The following KCNJ13 variants were observed in gnomAD, a reference collection of about 807,000 sequenced individuals.
KCNJ13 encodes potassium inwardly rectifying channel subfamily J member 13.
In KCNJ13, 9 loss-of-function variants were observed where a neutral mutation model predicts 24.6. The observed-to-expected ratio is 0.37, with a 90% CI of 0.22 to 0.64. The LOEUF is 0.64. Ranked by LOEUF, KCNJ13 falls within the 30% of genes least tolerant of loss-of-function variation. The pLI is 0.64. For missense variants in KCNJ13, 337 were observed against 443.8 expected (o/e 0.76, Z 2.16); for synonymous variants, 148 against 154.7 (o/e 0.96, Z 0.32).
chr2:232,773,022 G>A (rs1335914313), intron 1 of KCNJ13, among the ~76,000 whole-genome samples: 1 of 152,002 alleles, frequency 6.6e-6, no homozygotes, highest in African/African-American at 2.4e-5. Context: ...CTTCAGATTT[G>A]AGCTAATGGA....
In KCNJ13 at chr2:232,768,564, A is replaced by G; in HGVS notation, c.710T>C (p.Phe237Ser). The G allele has an allele frequency of 6.2e-7, 1 of 1,614,196 alleles. No homozygotes were observed. Among genetic ancestry groups the G allele is most frequent in the Non-Finnish European group, 8.5e-7 (1 of 1,180,030 alleles). Residue 237 changes from phenylalanine to serine, a missense_variant, in exon 3 of 3, where the codon TTC (phenylalanine) becomes TCC (serine). Coordinates refer to ENST00000233826, the MANE Select transcript of KCNJ13 (RefSeq NM_002242.4). The part of the protein sequence containing the change: ...DGISSDECPF[F>S]IFPLTYYHSI... ...GTGATAGTACGTTAGTGGAAAGATG[A>G]AGAATGGACATTCGTCAGAACTGAT... is the stretch of plus-strand genomic sequence containing the variant.
intron 1 of KCNJ13, among the ~76,000 whole-genome samples, chr2:232,773,974 C>G (rs1574866071): frequency 6.7e-6 from 1 of 150,358 alleles, no homozygotes; most frequent in Non-Finnish European, 1.5e-5. Flanking sequence ...ACTATTAGTC[C>G]CATTTTACAG....
Position 232,768,571 on chromosome 2 carries a change from G to C in KCNJ13, c.703C>G (p.Pro235Ala). ...HLDGISSDEC[P>A]FFIFPLTYYH... ...TACGTTAGTGGAAAGATGAAGAATG[G>C]ACATTCGTCAGAACTGATGCCATCA... Residue 235 changes from proline to alanine, a missense_variant, in exon 3 of 3, where the codon CCA (proline) becomes GCA (alanine). By Grantham distance (27) the Pro-to-Ala change is conservative. Transcript: ENST00000233826. 5 of 1,614,136 alleles carry C rather than the reference G, an allele frequency of 3.1e-6. No individual in the cohort carries two copies. In the South Asian group the frequency reaches 5.5e-5, roughly 18 times the overall value.
rs1698991727 is a variant in KCNJ13 at position 232,766,969 on chromosome 2, T to G, written c.*1222A>C. On this transcript the variant is annotated 3_prime_UTR_variant, in exon 3 of 3. Transcript: ENST00000233826. ...GTTTTTGTTTTGTTTTAAGGACAGTTTCTCTTTTTTTTATTGAAATGAAAA... is the reference window on the plus strand; with the variant it reads ...GTTTTTGTTTTGTTTTAAGGACAGTGTCTCTTTTTTTTATTGAAATGAAAA... 1 of 152,206 alleles carries G rather than the reference T, an allele frequency of 6.6e-6. No individual in the cohort carries two copies. The highest frequency in any genetic ancestry group is 2.1e-4 in the South Asian group (1 of 4,832). 9.4% of individuals were successfully genotyped at this position (152,206 alleles called of 1,614,324 possible).
intron 2 of KCNJ13, among the ~76,000 whole-genome samples, chr2:232,769,527 AG>A (rs1368106844): frequency 6.7e-6 from 1 of 150,074 alleles, no homozygotes; most frequent in South Asian, 2.1e-4. Context: ...AAAAAAAAAA[AG>A]TGATATTTTG....
chr2:232,774,512 T>G (rs1287280766), intron 1 of KCNJ13, among the ~76,000 whole-genome samples: 1 of 152,174 alleles, frequency 6.6e-6, no homozygotes, highest in African/African-American at 2.4e-5. Context: ...TTTTGCCAGA[T>G]GAGAAGACAA....
chr2:232,771,428 T>A, intron 1 of KCNJ13, 50 bp from the exon 2 acceptor site: 1 of 1,218,534 alleles, frequency 8.2e-7, no homozygotes, highest in South Asian at 1.4e-5. Flanking sequence ...ATAGTTAATG[T>A]TTGTGAATTT....
chr2:232,775,566 A>C (rs911240821), intron 1 of KCNJ13, among the ~76,000 whole-genome samples: 6 of 152,158 alleles, frequency 3.9e-5, no homozygotes, highest in African/African-American at 1.2e-4. Context: ...AAGGTTGGGA[A>C]GGTTTGCTTC....
At chr2:232,771,693 C>T (rs553370125) in intron 1 of KCNJ13, among the ~76,000 whole-genome samples, 2 of 152,158 alleles carry the variant, frequency 1.3e-5, no homozygotes, top group South Asian at 2.1e-4. Context: ...GTCTTCCTTG[C>T]ACAAGTCCGG....
At position 232,768,708 on chromosome 2, in the gene KCNJ13, A is replaced by G; in HGVS notation, c.566T>C (p.Phe189Ser). 6.2e-7 allele frequency: 1 copy of G among 1,603,884 alleles called. No individual in the cohort carries two copies. Among genetic ancestry groups the G allele is most frequent in the Non-Finnish European group, 8.5e-7 (1 of 1,172,096 alleles). ...AHMDGKPNLI[F>S]QVANTRPSPL... Reference sequence around the variant, plus strand: ...GCTAGGTCGGGTGTTGGCCACTTGGAAGATAAGATTAGGTTTGCCATCCAT... The same window carrying G: ...GCTAGGTCGGGTGTTGGCCACTTGGGAGATAAGATTAGGTTTGCCATCCAT... Residue 189 changes from phenylalanine (F) to serine (S), a missense_variant, in exon 3 of 3, where the codon TTC (phenylalanine) becomes TCC (serine). Phe to Ser is a radical substitution (Grantham distance 155, BLOSUM62 -2). Around this residue, in one of 3 missense-constraint regions of KCNJ13, gnomAD observed 235 missense variants for 286.9 expected, o/e 0.82. Transcript: ENST00000233826.
intron 1 of KCNJ13, 110 bp from the exon 2 acceptor site, chr2:232,771,488 A>G (rs1699243465): frequency 4.7e-6 from 3 of 635,250 alleles, no homozygotes; most frequent in Non-Finnish European, 7.9e-6. Flanking sequence ...TCTAACCACA[A>G]CTTTGCCAAC....
At chr2:232,771,826 G>A (rs1486090844) in intron 1 of KCNJ13, among the ~76,000 whole-genome samples, 1 of 152,146 alleles carries the variant, frequency 6.6e-6, no homozygotes, top group Non-Finnish European at 1.5e-5. Flanking sequence ...GTGTTCTTCT[G>A]TGTAAATAAT....
Position 232,768,526 on chromosome 2 carries a change from A to G in KCNJ13, c.748T>C (p.Ser250Pro). The G allele has an allele frequency of 6.2e-7, 1 of 1,614,150 alleles. No homozygotes were observed. Among genetic ancestry groups the G allele is most frequent in the African/African-American group, 1.3e-5 (1 of 75,066 alleles). Residue 250 changes from serine (S) to proline (P), a missense_variant, in exon 3 of 3, where the codon TCA becomes CCA. Ser to Pro is a moderately conservative substitution (Grantham distance 74). This residue lies in a region of KCNJ13 where 235 missense variants were observed against 286.9 expected (regional missense o/e 0.82). Transcript: ENST00000233826. ...PLTYYHSITP[S>P]SPLATLLQHE... Reference sequence around the variant, plus strand: ...TGGAGCAGAGTAGCCAGAGGACTTGATGGTGTAATGGAGTGATAGTACGTT... The same window carrying G: ...TGGAGCAGAGTAGCCAGAGGACTTGGTGGTGTAATGGAGTGATAGTACGTT...
chr2:232,771,246 T>G lies in KCNJ13; in HGVS notation c.117A>C (p.Ala39=). ...LQMDGAQRGL[A]YLRDAWGILM... Reference sequence around the variant, plus strand: ...GGATTCCCCAAGCATCTCGAAGATATGCAAGACCTCTTTGAGCGCCATCCA... The same window carrying G: ...GGATTCCCCAAGCATCTCGAAGATAGGCAAGACCTCTTTGAGCGCCATCCA... The change falls in exon 2 of 3, where the codon GCA becomes GCC. Residue 39 remains alanine (A), a synonymous_variant. Coordinates refer to ENST00000233826, the MANE Select transcript of KCNJ13 (RefSeq NM_002242.4). The G allele has an allele frequency of 6.2e-7, 1 of 1,609,888 alleles. No homozygotes were observed. The highest frequency in any genetic ancestry group is 8.5e-7 in the Non-Finnish European group (1 of 1,176,878).
At chr2:232,769,966 C>G (rs1457821928) in intron 2 of KCNJ13, among the ~76,000 whole-genome samples, 1 of 152,128 alleles carries the variant, frequency 6.6e-6, no homozygotes, top group Non-Finnish European at 1.5e-5. Context: ...GCTACTAATA[C>G]TGCTGGTGGT....
Position 232,767,850 on chromosome 2 carries a change from T to C in KCNJ13, c.*341A>G. On this transcript the variant is annotated 3_prime_UTR_variant, in exon 3 of 3. Transcript: ENST00000233826. The stretch of plus-strand genomic sequence containing the variant: ...CAGATGAAAATGAGAGATTAATGGT[T>C]GATTTTCTTAGAGTTCAGTTGTGTT... The C allele has an allele frequency of 3.6e-6, 1 of 278,018 alleles. No individual in the cohort carries two copies. The highest frequency in any genetic ancestry group is 6.9e-6 in the Non-Finnish European group (1 of 145,360). 17.2% of individuals were successfully genotyped at this position (278,018 alleles called of 1,614,324 possible). A position where few individuals can be genotyped will look rare whatever the true frequency, so the allele number is the denominator to read the frequency against.
Position 232,771,265 on chromosome 2 carries a change from C to T in KCNJ13, c.98G>A (p.Gly33Asp). ...KDGHSTLQMD[G>D]AQRGLAYLRD... is the part of the protein sequence containing the mutation. ...AAGATATGCAAGACCTCTTTGAGCG[C>T]CATCCATTTGAAGTGTGCTGTGGCC... is the stretch of plus-strand genomic sequence containing the variant. Residue 33 changes from glycine to aspartate, a missense_variant, in exon 2 of 3, where the codon GGC becomes GAC. Coordinates refer to ENST00000233826, the MANE Select transcript of KCNJ13 (RefSeq NM_002242.4). 6.2e-7 allele frequency: 1 copy of T among 1,608,300 alleles called. No homozygotes were observed. The highest frequency in any genetic ancestry group is 8.5e-7 in the Non-Finnish European group (1 of 1,176,084).
intron 1 of KCNJ13, among the ~76,000 whole-genome samples, chr2:232,775,302 A>G (rs1020840987): frequency 2.0e-5 from 3 of 152,132 alleles, no homozygotes; most frequent in African/African-American, 7.2e-5. Flanking sequence ...AAACCACTCA[A>G]TCCCATTGGC....
In KCNJ13 at chr2:232,767,062, A is replaced by C. The variant is rs986106356; in HGVS notation, c.*1129T>G. On this transcript the variant is annotated 3_prime_UTR_variant, in exon 3 of 3. Transcript: ENST00000233826. ...TCATTTTAGCATAGATAAAATAAAA[A>C]ACAGAGGAAACATAATTTTTATAGA... The C allele has an allele frequency of 3.3e-5, 5 of 152,210 alleles. No homozygotes were observed. The highest frequency in any genetic ancestry group is 1.2e-4 in the African/African-American group (5 of 41,460). 9.4% of individuals were successfully genotyped at this position (152,210 alleles called of 1,614,324 possible). A position where few individuals can be genotyped will look rare whatever the true frequency, so the allele number is the denominator to read the frequency against.
Sources: gnomAD v4.1 joint callset for allele counts (sites outside exome capture counted in the v4.1 genomes callset) on GRCh38, gnomAD v4.1.1 for gene constraint, gnomAD v4.1.1 regional missense constraint, MANE v1.5 for transcripts, NCBI Gene and HGNC (gene_info 2026-07-23, HGNC 2026-07-21) for gene names.